Variants in MIA2 observed in about 807,000 individuals in gnomAD.
The protein encoded by MIA2 is MIA SH3 domain ER export factor 2.
MIA2 carries 127 observed loss-of-function variants against 167.8 expected under a neutral mutation model. The observed-to-expected ratio is 0.76, with a 90% CI of 0.66 to 0.88. MIA2 has a LOEUF of 0.88. Ranked by LOEUF, MIA2 falls within the 40% of genes least tolerant of loss-of-function variation. The probability of loss-of-function intolerance (pLI) is 0.00; values close to 1 mark genes in which losing one functional copy is unlikely to be tolerated. For missense variants in MIA2, 1,690 were observed against 1,624.7 expected, an observed-to-expected ratio of 1.04 and a Z score of -0.69; for synonymous variants, 552 against 541.9, an observed-to-expected ratio of 1.02 and a Z score of -0.26.
At chr14:39,239,133 A>T (rs903482488) in intron 2 of MIA2, among the ~76,000 whole-genome samples, 1 of 152,128 alleles carries the variant, frequency 6.6e-6, no homozygotes, top group African/African-American at 2.4e-5. Context: ...TATTTTATTT[A>T]AAAATTCTGC....
intron 6 of MIA2, among the ~76,000 whole-genome samples, chr14:39,259,698 GTTTTTTTT>G (rs10556014): frequency 3.5e-5 from 4 of 115,372 alleles, no homozygotes; most frequent in South Asian, 2.9e-4. Context: ...GCCTGGCTAG[GTTTTTTTT>G]TTTTTTTTTT....
rs200509957 is a variant in MIA2, at chr14:39,311,655, T to TA, written c.3018-1685_3018-1684insA. On this transcript the variant is annotated intron_variant, in intron 18 of 28. Coordinates refer to ENST00000640607, the MANE Select transcript of MIA2 (RefSeq NM_001329214.4). ...ACCACTCCTGGCTTATTTATTTATT[T>TA]TTTTTTGTATTTTTAGTAGAGGTGG... Among the ~76,000 whole-genome samples, 769 of 150,632 alleles carry TA rather than the reference T, an allele frequency of 5.1e-3. 7 individuals carry two copies. Among genetic ancestry groups the TA allele is most frequent in the African/African-American group, 0.013 (544 of 41,022 alleles).
At chr14:39,281,252 T>G (rs564079909) in intron 9 of MIA2, among the ~76,000 whole-genome samples, 1 of 152,314 alleles carries the variant, frequency 6.6e-6, no homozygotes, top group African/African-American at 2.4e-5. Flanking sequence ...CACTCTTGAT[T>G]GTTACTTTTC....
chr14:39,299,195 T>C (rs1343777128), intron 13 of MIA2, among the ~76,000 whole-genome samples: 1 of 151,576 alleles, frequency 6.6e-6, no homozygotes, highest in Non-Finnish European at 1.5e-5. Flanking sequence ...CTACCTTTTA[T>C]AATGATCTTT....
chr14:39,311,705 G>A (rs1195801806), intron 18 of MIA2, among the ~76,000 whole-genome samples: 2 of 151,602 alleles, frequency 1.3e-5, no homozygotes, highest in Non-Finnish European at 2.9e-5. Context: ...GGCCAGGCTG[G>A]TCTCAAACTC....
At chr14:39,270,014 T>C (rs1025645156) in intron 6 of MIA2, among the ~76,000 whole-genome samples, 2 of 152,184 alleles carry the variant, frequency 1.3e-5, no homozygotes, top group Non-Finnish European at 2.9e-5. Flanking sequence ...ATATTTACCA[T>C]ATGTTTAACT....
chr14:39,343,445 C>A lies in MIA2; in HGVS notation c.3656-2459C>A, dbSNP rs181169907. ...TACAGGCATGAGCCACCATGCCCGG[C>A]CTGTTTTTGGTTTTAATAGATATCT... On this transcript the variant is annotated intron_variant, in intron 25 of 28. Transcript: ENST00000640607. 3.8e-3 allele frequency among the ~76,000 whole-genome samples: 583 copies of A among 152,254 alleles called. 1 individual carries two copies. The highest frequency in any genetic ancestry group is 6.5e-3 in the Non-Finnish European group (439 of 68,020).
chr14:39,257,942 CAG>C (rs2054897700), intron 6 of MIA2, among the ~76,000 whole-genome samples: 1 of 152,196 alleles, frequency 6.6e-6, no homozygotes, highest in South Asian at 2.1e-4. Flanking sequence ...AGGATTTCTG[CAG>C]AGAGATCTGC....
chr14:39,322,681 G>T (rs1322998354), intron 24 of MIA2, among the ~76,000 whole-genome samples: 1 of 151,992 alleles, frequency 6.6e-6, no homozygotes, highest in Non-Finnish European at 1.5e-5. Flanking sequence ...AAAGGCCCTA[G>T]TACCTTTGAA....
intron 2 of MIA2, 105 bp downstream of exon 2, chr14:39,237,160 G>A (rs533709340): frequency 2.7e-5 from 34 of 1,272,906 alleles, no homozygotes; most frequent in Middle Eastern, 4.5e-4. Context: ...TGGCTCTGTC[G>A]CCCAGGCTGG....
chr14:39,267,482 C>G, intron 6 of MIA2: 2 of 1,613,368 alleles, frequency 1.2e-6, no homozygotes, highest in Non-Finnish European at 1.7e-6. Flanking sequence ...GGGGTTACCC[C>G]TCAACCGTAT....
intron 4 of MIA2, among the ~76,000 whole-genome samples, chr14:39,250,207 A>G (rs541815626): frequency 1.2e-4 from 19 of 152,212 alleles, no homozygotes; most frequent in Non-Finnish European, 2.2e-4. Flanking sequence ...GATATATAAA[A>G]ATATTTTAGA....
chr14:39,385,670 TTTC>T, intron 23 of MIA2: 1 of 960,204 alleles, frequency 1.0e-6, no homozygotes, highest in Non-Finnish European at 1.7e-6. Context: ...AATGCAATCT[TTTC>T]TTCAACTTGA....
At chr14:39,298,404 G>C (rs1250510841) in intron 13 of MIA2, among the ~76,000 whole-genome samples, 3 of 60,624 alleles carry the variant, frequency 4.9e-5, no homozygotes, top group Non-Finnish European at 1.1e-4. Context: ...TGTATCATCT[G>C]ATTCTGTTTT....
chr14:39,237,280 A>C (rs888693488), intron 2 of MIA2: 47 of 524,442 alleles, frequency 9.0e-5, no homozygotes, highest in Non-Finnish European at 3.1e-5. Context: ...GGTGTGTGTC[A>C]CCACGCCCGG....
At chr14:39,274,645 C>G (rs1353310486) in intron 6 of MIA2, among the ~76,000 whole-genome samples, 1 of 149,182 alleles carries the variant, frequency 6.7e-6, no homozygotes, top group African/African-American at 2.4e-5. Context: ...AGACTGGTCT[C>G]AAACTCCTGA....
At chr14:39,355,428 C>T (rs946313407), downstream of MIA2, among the ~76,000 whole-genome samples, 5 of 152,126 alleles carry the variant, frequency 3.3e-5, no homozygotes, top group Non-Finnish European at 1.5e-5. Context: ...GCTGAAGTTG[C>T]TTATCAGCTT....
chr14:39,302,480 C>CT (rs989199095), intron 15 of MIA2, among the ~76,000 whole-genome samples: 38 of 152,084 alleles, frequency 2.5e-4, no homozygotes, highest in African/African-American at 8.4e-4. Flanking sequence ...AGCCTCCTCC[C>CT]TTTTTTTTGT....
At position 39,348,970 on chromosome 14, in the gene MIA2, A is replaced by G. The variant is rs895698237; in HGVS notation, c.4065A>G (p.Pro1355=). ...PGDFPGPPPA[P]FAMRNVYPPR... ...ATTTCCCAGGTCCACCACCTGCTCC[A>G]TTTGCAAGTATGCTTTTTTAAACTT... Residue 1355 remains proline (P), a synonymous_variant, in exon 28 of 29, where the codon CCA becomes CCG. Transcript: ENST00000640607. 7 of 1,612,518 alleles carry G rather than the reference A, an allele frequency of 4.3e-6. No homozygotes were observed. The highest frequency in any genetic ancestry group is 5.1e-6 in the Non-Finnish European group (6 of 1,178,790).
Sources: gnomAD v4.1 joint callset for allele counts (sites outside exome capture counted in the v4.1 genomes callset) on GRCh38, gnomAD v4.1.1 for gene constraint, MANE v1.5 for transcripts, NCBI Gene and HGNC (gene_info 2026-07-23, HGNC 2026-07-21) for gene names.